The following NRXN3 variants were observed in gnomAD, a reference collection of about 807,000 sequenced individuals.
NRXN3 encodes the protein neurexin 3.
In NRXN3, 32 loss-of-function variants were observed where a neutral mutation model predicts 137.6. The observed-to-expected ratio is 0.23, with a 90% CI of 0.18 to 0.31. The LOEUF is 0.31. Among genes scored for constraint, NRXN3 ranks in the 10% least tolerant of loss-of-function variants. NRXN3 has a pLI of 1.00. For missense variants in NRXN3, 1,574 were observed against 2,062.5 expected, an observed-to-expected ratio of 0.76 and a Z score of 4.59; for synonymous variants, 798 against 784.5, an observed-to-expected ratio of 1.02 and a Z score of -0.29.
At chr14:78,854,057 T>C (rs2152497043) in intron 10 of NRXN3, among the ~76,000 whole-genome samples, 1 of 152,348 alleles carries the variant, frequency 6.6e-6, no homozygotes, top group South Asian at 2.1e-4. Flanking sequence ...CTATCTATTG[T>C]ACAGTCCATA....
chr14:79,278,513 C>A (rs962933002), intron 15 of NRXN3, among the ~76,000 whole-genome samples: 1 of 152,206 alleles, frequency 6.6e-6, no homozygotes, highest in African/African-American at 2.4e-5. Flanking sequence ...TGATGCCCAG[C>A]GCCCAGGGGA....
intron 5 of NRXN3, 64 bp from the exon 6 acceptor site, chr14:78,651,101 T>G: frequency 6.9e-7 from 1 of 1,450,020 alleles, no homozygotes. Context: ...GGGAAGCCAC[T>G]GGGTTATGAT....
intron 10 of NRXN3, among the ~76,000 whole-genome samples, chr14:78,872,900 C>T (rs1013328167): frequency 6.6e-5 from 10 of 152,156 alleles, no homozygotes; most frequent in Non-Finnish European, 1.2e-4. Flanking sequence ...CTTATAACTT[C>T]GCACTGCTGT....
chr14:78,895,759 T>C (rs546986758), intron 10 of NRXN3, among the ~76,000 whole-genome samples: 29 of 151,954 alleles, frequency 1.9e-4, no homozygotes, highest in African/African-American at 7.0e-4. Context: ...TACTTAGGCC[T>C]TTGTGGGAGT....
intron 18 of NRXN3, among the ~76,000 whole-genome samples, chr14:79,696,803 T>G (rs1255978403): frequency 2.0e-5 from 3 of 151,792 alleles, no homozygotes; most frequent in Non-Finnish European, 4.4e-5. Flanking sequence ...TTTTAAGGAG[T>G]TTTATATGTT....
At chr14:78,241,766 G>T (rs1474255933) in intron 1 of NRXN3, among the ~76,000 whole-genome samples, 1 of 151,932 alleles carries the variant, frequency 6.6e-6, no homozygotes, top group East Asian at 1.9e-4. Flanking sequence ...TTCTCAAAGT[G>T]CCACATACAG....
chr14:78,831,803 C>T (rs1180586289), intron 10 of NRXN3, among the ~76,000 whole-genome samples: 1 of 152,050 alleles, frequency 6.6e-6, no homozygotes, highest in Non-Finnish European at 1.5e-5. Context: ...TGTTCTGTCT[C>T]ATTCTTTGCC....
intron 1 of NRXN3, among the ~76,000 whole-genome samples, chr14:78,184,579 A>G (rs544383186): frequency 7.2e-5 from 11 of 152,234 alleles, no homozygotes; most frequent in African/African-American, 1.9e-4. Flanking sequence ...GAAAGACTCT[A>G]ACCTTTTATT....
intron 4 of NRXN3, among the ~76,000 whole-genome samples, chr14:78,642,379 A>T (rs1398839830): frequency 6.6e-6 from 1 of 152,214 alleles, no homozygotes; most frequent in Non-Finnish European, 1.5e-5. Flanking sequence ...CTAATTATAT[A>T]AAAAATATTA....
At chr14:78,940,866 G>T (rs1251157336) in intron 10 of NRXN3, among the ~76,000 whole-genome samples, 1 of 152,180 alleles carries the variant, frequency 6.6e-6, no homozygotes, top group Non-Finnish European at 1.5e-5. Context: ...CTGTGAATTA[G>T]AACTTGTCTT....
intron 2 of NRXN3, among the ~76,000 whole-genome samples, chr14:78,269,607 AT>A (rs2072382740): frequency 6.6e-6 from 1 of 152,172 alleles, no homozygotes; most frequent in East Asian, 1.9e-4. Context: ...TGTTATGTGT[AT>A]TTTATCACAA....
In NRXN3 at chr14:78,709,534, C is replaced by T. The variant is rs368322773; in HGVS notation, c.1539C>T (p.Leu513=). The change falls in exon 7 of 21, where the codon CTC becomes CTT. Residue 513 remains leucine (L), a synonymous_variant. Transcript: ENST00000335750. ...TKVDFFAVEL[L]DGNLYLLLDM... ...TAGACTTCTTTGCCGTGGAACTCCT[C>T]GATGGCAACCTGTACTTGCTGCTTG... 1.3e-5 allele frequency: 21 copies of T among 1,613,944 alleles called. No homozygotes were observed. Among genetic ancestry groups the T allele is most frequent in the African/African-American group, 4.0e-5 (3 of 74,894 alleles).
At chr14:79,339,144 G>A (rs921716422) in intron 15 of NRXN3, among the ~76,000 whole-genome samples, 4 of 152,130 alleles carry the variant, frequency 2.6e-5, no homozygotes, top group South Asian at 2.1e-4. Context: ...ATGGAGCAAG[G>A]TTACCTTCAC....
At chr14:79,571,515 C>T (rs1048526232) in intron 16 of NRXN3, among the ~76,000 whole-genome samples, 18 of 152,200 alleles carry the variant, frequency 1.2e-4, no homozygotes, top group African/African-American at 4.3e-4. Flanking sequence ...CACTGACTGC[C>T]GGGGAGCATC....
At chr14:78,772,246 T>C (rs1014213885) in intron 8 of NRXN3, among the ~76,000 whole-genome samples, 9 of 152,168 alleles carry the variant, frequency 5.9e-5, no homozygotes, top group African/African-American at 9.7e-5. Context: ...TGAAAATGTA[T>C]GTAAATGAAA....
At chr14:79,655,135 C>G (rs978803854) in intron 16 of NRXN3, among the ~76,000 whole-genome samples, 5 of 152,108 alleles carry the variant, frequency 3.3e-5, no homozygotes, top group African/African-American at 1.2e-4. Context: ...AGTAAAGTAA[C>G]TAATTTAGAG....
intron 4 of NRXN3, among the ~76,000 whole-genome samples, chr14:78,443,374 G>C (rs2094319272): frequency 6.6e-6 from 1 of 152,214 alleles, no homozygotes; most frequent in Middle Eastern, 3.2e-3. Context: ...CACATGCACT[G>C]TGCGCTCTGC....
At chr14:78,334,743 A>G (rs1454309682) in intron 4 of NRXN3, among the ~76,000 whole-genome samples, 2 of 151,862 alleles carry the variant, frequency 1.3e-5, no homozygotes, top group Non-Finnish European at 2.9e-5. Context: ...TTAATTCTGG[A>G]CCTCTCAGTG....
intron 10 of NRXN3, among the ~76,000 whole-genome samples, chr14:78,828,321 A>G (rs1029500235): frequency 6.6e-6 from 1 of 152,212 alleles, no homozygotes; most frequent in Non-Finnish European, 1.5e-5. Flanking sequence ...CACACATTAG[A>G]GTAATTGGCA....
Sources: allele counts gnomAD v4.1 joint callset (sites outside exome capture counted in the v4.1 genomes callset), GRCh38; gene constraint gnomAD v4.1.1; transcripts MANE v1.5; gene names NCBI Gene and HGNC (gene_info 2026-07-23, HGNC 2026-07-21).